The following FTO variants were observed in gnomAD, a reference collection of about 807,000 sequenced individuals.
The protein encoded by FTO is alpha-ketoglutarate-dependent dioxygenase FTO.
A neutral mutation model predicts 63.9 loss-of-function variants in FTO; 47 were observed. The observed-to-expected ratio is 0.74, with a 90% confidence interval of 0.58 to 0.94. FTO has a LOEUF of 0.94. Among genes scored for constraint, FTO ranks in the 40% least tolerant of loss-of-function variants. The pLI is 0.00. For missense variants in FTO, 562 were observed against 618.1 expected (o/e 0.91, Z 0.96); for synonymous variants, 207 against 224.4 (o/e 0.92, Z 0.69).
chr16:53,901,235 CTGATAAAT>C lies in FTO; in HGVS notation c.1239+12288_1239+12295del, dbSNP rs1390917308. On this transcript the variant is annotated intron_variant, in intron 7 of 8. Transcript: ENST00000471389. ...TTCTACCAAGATTCTTTGTTTTTCT[CTGATAAAT>C]TGAATACCAGCTTAATAATTTTGGA... is the stretch of plus-strand genomic sequence containing the variant. 6.6e-5 allele frequency among the ~76,000 whole-genome samples: 10 copies of C among 152,262 alleles called. No individual in the cohort carries two copies. In the East Asian group the frequency reaches 1.7e-3, roughly 27 times the overall value.
At chr16:53,906,589 T>G (rs2081545967) in intron 7 of FTO, among the ~76,000 whole-genome samples, 1 of 152,148 alleles carries the variant, frequency 6.6e-6, no homozygotes, top group African/African-American at 2.4e-5. Context: ...GTAGGATACA[T>G]TTAGGTGGAT....
intron 3 of FTO, 93 bp downstream of exon 3, chr16:53,826,584 T>C: frequency 8.3e-7 from 1 of 1,198,904 alleles, no homozygotes. Flanking sequence ...TACATGAACA[T>C]GTTTGCATGT....
chr16:53,858,937 G>A (rs1412785468), intron 4 of FTO, among the ~76,000 whole-genome samples: 1 of 152,104 alleles, frequency 6.6e-6, no homozygotes, highest in Non-Finnish European at 1.5e-5. Flanking sequence ...GGGATTACAG[G>A]CATGAGCCAC....
At chr16:54,063,593 A>T (rs976454537) in intron 8 of FTO, 2 of 152,206 alleles carry the variant, frequency 1.3e-5, no homozygotes, top group Non-Finnish European at 2.9e-5. Flanking sequence ...TGAGGCGAAA[A>T]GTAAACATAA....
chr16:53,793,131 CATCT>C (rs1206640450), intron 1 of FTO, among the ~76,000 whole-genome samples: 1 of 152,144 alleles, frequency 6.6e-6, no homozygotes, highest in Non-Finnish European at 1.5e-5. Context: ...AGAATTGTTC[CATCT>C]GAGTCTTTGG....
chr16:53,810,503 G>A (rs1186467972), intron 2 of FTO, among the ~76,000 whole-genome samples: 1 of 152,002 alleles, frequency 6.6e-6, no homozygotes, highest in African/African-American at 2.4e-5. Context: ...CCTTCCTTTT[G>A]CTCCTTATCC....
chr16:53,837,640 T>G (rs2079340926), intron 3 of FTO, among the ~76,000 whole-genome samples: 1 of 152,192 alleles, frequency 6.6e-6, no homozygotes, highest in South Asian at 2.1e-4. Flanking sequence ...AGGAAAGCAT[T>G]TCTAAACTCT....
chr16:53,863,957 C>G (rs1030160419), intron 4 of FTO, among the ~76,000 whole-genome samples: 1 of 152,174 alleles, frequency 6.6e-6, no homozygotes, highest in African/African-American at 2.4e-5. Flanking sequence ...ATATATAGTG[C>G]CAAAAGAGGT....
chr16:53,860,677 G>A (rs1328679276), intron 4 of FTO, among the ~76,000 whole-genome samples: 3 of 152,144 alleles, frequency 2.0e-5, no homozygotes, highest in African/African-American at 7.2e-5. Context: ...CATGAGAACA[G>A]CACTGAGAGG....
chr16:54,104,278 CTTGATGTAACACCAATGTTT>C (rs1329262960), intron 8 of FTO, among the ~76,000 whole-genome samples: 25 of 149,726 alleles, frequency 1.7e-4, no homozygotes, highest in Non-Finnish European at 2.7e-4. Context: ...TTCATGTGGA[CTTGATGTAACACCAATGTTT>C]TCTACCTGAG....
At chr16:53,828,685 T>C (rs1428934809) in intron 3 of FTO, among the ~76,000 whole-genome samples, 2 of 152,210 alleles carry the variant, frequency 1.3e-5, no homozygotes, top group African/African-American at 4.8e-5. Flanking sequence ...TGAAGTACTA[T>C]TGCTATCCTC....
intron 1 of FTO, among the ~76,000 whole-genome samples, chr16:53,796,110 G>A (rs1244031754): frequency 6.7e-6 from 1 of 149,026 alleles, no homozygotes; most frequent in Non-Finnish European, 1.5e-5. Flanking sequence ...GTGCAATGGC[G>A]CAATGCTGAC....
chr16:53,839,659 A>G (rs144077816), intron 3 of FTO, among the ~76,000 whole-genome samples: 49 of 152,274 alleles, frequency 3.2e-4, no homozygotes, highest in African/African-American at 1.1e-3. Context: ...CTGTTACCCT[A>G]TGAAGATTCC....
intron 5 of FTO, among the ~76,000 whole-genome samples, chr16:53,875,802 TG>T (rs2080633013): frequency 6.6e-6 from 1 of 152,222 alleles, no homozygotes; most frequent in South Asian, 2.1e-4. Context: ...AAGATGCTTA[TG>T]GTCTAAAGAG....
intron 1 of FTO, among the ~76,000 whole-genome samples, chr16:53,778,025 C>T (rs2077501534): frequency 6.6e-6 from 1 of 152,078 alleles, no homozygotes; most frequent in African/African-American, 2.4e-5. Flanking sequence ...ACTATTTTGT[C>T]ACACAGTATA....
intron 7 of FTO, among the ~76,000 whole-genome samples, chr16:53,923,545 C>A (rs993424758): frequency 6.6e-6 from 1 of 152,166 alleles, no homozygotes; most frequent in African/African-American, 2.4e-5. Flanking sequence ...TGTACCTGTG[C>A]CAGTAGGGGC....
chr16:54,083,545 CCA>C (rs1201645419), intron 8 of FTO, among the ~76,000 whole-genome samples: 3 of 152,146 alleles, frequency 2.0e-5, no homozygotes, highest in African/African-American at 7.2e-5. Flanking sequence ...CAATAATATG[CCA>C]GTTTTAGAAA....
At chr16:53,727,056 T>TTTTC (rs952619096) in intron 1 of FTO, among the ~76,000 whole-genome samples, 4 of 152,170 alleles carry the variant, frequency 2.6e-5, no homozygotes, top group Non-Finnish European at 4.4e-5. Flanking sequence ...TCCCCTCTTC[T>TTTTC]TTTCTTTCTT....
chr16:53,937,008 A>G (rs1167754191), intron 8 of FTO, among the ~76,000 whole-genome samples: 2 of 152,220 alleles, frequency 1.3e-5, no homozygotes, highest in Non-Finnish European at 2.9e-5. Context: ...TCAGGCGCCA[A>G]GCCATTGTTT....
Sources: gnomAD v4.1 joint callset for allele counts (sites outside exome capture counted in the v4.1 genomes callset) on GRCh38, gnomAD v4.1.1 for gene constraint, MANE v1.5 for transcripts, NCBI Gene and HGNC (gene_info 2026-07-23, HGNC 2026-07-21) for gene names.